The following STX11 variants were observed in gnomAD, a reference collection of about 807,000 sequenced individuals.
The protein encoded by STX11 is syntaxin-11.
In STX11, 21 loss-of-function variants were observed where a neutral mutation model predicts 19.9. The observed-to-expected ratio is 1.06, with a 90% CI of 0.75 to 1.52. STX11 has a LOEUF of 1.52. STX11 is among the 40% of genes most tolerant of loss of function. STX11 has a pLI of 0.00. For synonymous variants in STX11, 193 were observed against 174.4 expected, an observed-to-expected ratio of 1.11 and a Z score of -0.84; for missense variants, 438 against 405.9, an observed-to-expected ratio of 1.08 and a Z score of -0.68.
the STX11 span, among the ~76,000 whole-genome samples, chr6:144,142,069 T>G: frequency 5.3e-5 from 8 of 151,344 alleles, no homozygotes; most frequent in Admixed American, 4.6e-4. Context: ...GAGTCTGAAG[T>G]CTTCTGCTTG....
chr6:144,148,396 T>G (rs1404116031), upstream of STX11, among the ~76,000 whole-genome samples: 2 of 152,234 alleles, frequency 1.3e-5, no homozygotes, highest in Non-Finnish European at 2.9e-5. Context: ...TAGATGGCTT[T>G]GCAATATACC....
chr6:144,164,602 A>G (rs1801429889), intron 1 of STX11, among the ~76,000 whole-genome samples: 1 of 152,254 alleles, frequency 6.6e-6, no homozygotes, highest in African/African-American at 2.4e-5. Flanking sequence ...AAGCTCACAT[A>G]TGAGGGAAAA....
upstream of STX11, among the ~76,000 whole-genome samples, chr6:144,149,664 T>C (rs777485143): frequency 1.3e-5 from 2 of 152,100 alleles, no homozygotes; most frequent in Admixed American, 1.3e-4. The surrounding 1 kb of genome is among the most constrained non-coding windows in gnomAD (Gnocchi z 5.1). Context: ...TTTGTAGAGA[T>C]AGGCTTTCAC....
In STX11 at chr6:144,165,314, G is replaced by A. The variant is rs1013528891; in HGVS notation, c.-6+14611G>A. ...TACTAAAAAATACAAAATTAGCGGG[G>A]CGTGGTGGTGCATGTCTGTAATCCC... is the stretch of plus-strand genomic sequence containing the variant. On this transcript the variant is annotated intron_variant, in intron 1 of 1. Transcript: ENST00000367568. This position sits in a 1 kb window ranked among gnomAD's most constrained non-coding sequence, Gnocchi z 5.8. Among the ~76,000 whole-genome samples the A allele has an allele frequency of 6.6e-6, 1 of 152,050 alleles. No individual in the cohort carries two copies. Among genetic ancestry groups the A allele is most frequent in the African/African-American group, 2.4e-5 (1 of 41,394 alleles).
In STX11 at chr6:144,175,333, C is replaced by T. The variant is rs1801752538; in HGVS notation, c.-5-11290C>T. Among the ~76,000 whole-genome samples, 1 of 152,184 alleles carries T rather than the reference C, an allele frequency of 6.6e-6. No individual in the cohort carries two copies. The highest frequency in any genetic ancestry group is 2.1e-4 in the South Asian group (1 of 4,826). On this transcript the variant is annotated intron_variant, in intron 1 of 1. Transcript: ENST00000367568. This position sits in a 1 kb window ranked among gnomAD's most constrained non-coding sequence, Gnocchi z 5.1. Reference sequence around the variant, plus strand: ...GCTACTCTCATGAAAATGCTTTATACATGTTAGAATTTTATTGCTGTAAAT... The same window carrying T: ...GCTACTCTCATGAAAATGCTTTATATATGTTAGAATTTTATTGCTGTAAAT...
chr6:144,150,645 G>T lies in STX11; in HGVS notation c.-64G>T. Reference sequence around the variant, plus strand: ...TCCTTCTCCATCGCTGCGCCCACAGGGGACGCGCGCCCTGCCGGGAGAGGG... The same window carrying T: ...TCCTTCTCCATCGCTGCGCCCACAGTGGACGCGCGCCCTGCCGGGAGAGGG... On this transcript the variant is annotated 5_prime_UTR_variant, in exon 1 of 2. Coordinates refer to ENST00000367568, the MANE Select transcript of STX11 (RefSeq NM_003764.4). The T allele has an allele frequency of 1.0e-6, 1 of 985,412 alleles. No individual in the cohort carries two copies. Among genetic ancestry groups the T allele is most frequent in the Non-Finnish European group, 1.2e-6 (1 of 829,960 alleles). 61.0% of individuals were successfully genotyped at this position (985,412 alleles called of 1,614,324 possible). A position where few individuals can be genotyped will look rare whatever the true frequency, so the allele number is the denominator to read the frequency against.
chr6:144,142,391 C>T, the STX11 span, among the ~76,000 whole-genome samples: 4 of 152,098 alleles, frequency 2.6e-5, no homozygotes, highest in South Asian at 8.3e-4. Flanking sequence ...AGTACTGAAA[C>T]CTTTGCAGAT....
At chr6:144,173,621 C>T (rs1414035343) in intron 1 of STX11, among the ~76,000 whole-genome samples, 2 of 152,200 alleles carry the variant, frequency 1.3e-5, no homozygotes, top group Non-Finnish European at 2.9e-5. Context: ...GTTATAGACA[C>T]ACTCAAAACA....
chr6:144,173,661 C>T (rs952733575), intron 1 of STX11, among the ~76,000 whole-genome samples: 9 of 152,184 alleles, frequency 5.9e-5, no homozygotes, highest in Non-Finnish European at 1.0e-4. Context: ...ATCTTTGCAG[C>T]GAGATGCAAA....
Position 144,189,930 on chromosome 6 carries a change from C to G in STX11, c.*2439C>G, listed in dbSNP as rs573568695. Among the ~76,000 whole-genome samples the G allele has an allele frequency of 6.6e-6, 1 of 152,180 alleles. No individual in the cohort carries two copies. The highest frequency in any genetic ancestry group is 1.5e-5 in the Non-Finnish European group (1 of 68,032). On this transcript the variant is annotated 3_prime_UTR_variant, in exon 2 of 2. Transcript: ENST00000367568. ...AGAGGAGAGATATTGTAAATAGAGA[C>G]TGCCAGCCAGTTTCCACAAAAAAAC...
At chr6:144,145,461 A>G in the STX11 span, among the ~76,000 whole-genome samples, 1 of 152,208 alleles carries the variant, frequency 6.6e-6, no homozygotes, top group Non-Finnish European at 1.5e-5. Flanking sequence ...GTCCCTGTTC[A>G]TTGCAGCACT....
rs189668085 is a variant in STX11, at chr6:144,188,276, G to A, written c.*785G>A. 1 of 232,120 alleles carries A rather than the reference G, an allele frequency of 4.3e-6. No homozygotes were observed. Among genetic ancestry groups the A allele is most frequent in the East Asian group, 7.0e-5 (1 of 14,224 alleles). 14.4% of individuals were successfully genotyped at this position (232,120 alleles called of 1,614,324 possible). A position where few individuals can be genotyped will look rare whatever the true frequency, so the allele number is the denominator to read the frequency against. On this transcript the variant is annotated 3_prime_UTR_variant, in exon 2 of 2. Transcript: ENST00000367568. ...ATTACATATGCACATGTATGTAAAT[G>A]TAAAATACTAATATTCACTAATATA...
chr6:144,140,246 A>ATG, the STX11 span, among the ~76,000 whole-genome samples: 1 of 45,596 alleles, frequency 2.2e-5, no homozygotes, highest in Non-Finnish European at 3.8e-5. Context: ...ATATATATAT[A>ATG]TATATATATT....
In STX11 at chr6:144,153,368, G is replaced by A. The variant is rs977060342; in HGVS notation, c.-6+2665G>A. ...GGAATAATGAACCTTCACGTAGGAG[G>A]ATGAATTGTCAGGCAAGTGGAATTG... On this transcript the variant is annotated intron_variant, in intron 1 of 1. Transcript: ENST00000367568. This position sits in a 1 kb window ranked among gnomAD's most constrained non-coding sequence, Gnocchi z 5.0. 6.6e-6 allele frequency among the ~76,000 whole-genome samples: 1 copy of A among 152,192 alleles called. No individual in the cohort carries two copies. The highest frequency in any genetic ancestry group is 1.5e-5 in the Non-Finnish European group (1 of 68,038).
chr6:144,151,751 C>T lies in STX11; in HGVS notation c.-6+1048C>T, dbSNP rs957043452. Among the ~76,000 whole-genome samples, 1 of 152,184 alleles carries T rather than the reference C, an allele frequency of 6.6e-6. No individual in the cohort carries two copies. Among genetic ancestry groups the T allele is most frequent in the Non-Finnish European group, 1.5e-5 (1 of 68,024 alleles). The stretch of plus-strand genomic sequence containing the variant: ...CATTTAATGTGGTGATTGTAAGTAA[C>T]TCTCTAAAATCAAAATATTTCAGAC... On this transcript the variant is annotated intron_variant, in intron 1 of 1. Coordinates refer to ENST00000367568, the MANE Select transcript of STX11 (RefSeq NM_003764.4). The surrounding 1 kb of genome is among the most constrained non-coding windows in gnomAD (Gnocchi z 4.6).
the STX11 span, among the ~76,000 whole-genome samples, chr6:144,143,892 G>A: frequency 6.6e-6 from 1 of 152,098 alleles, no homozygotes; most frequent in Non-Finnish European, 1.5e-5. Flanking sequence ...ATCCTTATAG[G>A]CATTAAATTT....
rs1389384087 is a variant in STX11 at position 144,177,222 on chromosome 6, T to C, written c.-5-9401T>C. 6.6e-6 allele frequency among the ~76,000 whole-genome samples: 1 copy of C among 152,254 alleles called. No individual in the cohort carries two copies. Among genetic ancestry groups the C allele is most frequent in the African/African-American group, 2.4e-5 (1 of 41,470 alleles). On this transcript the variant is annotated intron_variant, in intron 1 of 1. Transcript: ENST00000367568. This position sits in a 1 kb window ranked among gnomAD's most constrained non-coding sequence, Gnocchi z 4.4. ...GAATTACTTAAAGGCATATATGTTTTCCAACTGGACTCAAAATCTATTCCC... is the reference window on the plus strand; with the variant it reads ...GAATTACTTAAAGGCATATATGTTTCCCAACTGGACTCAAAATCTATTCCC...
rs1338092253 is a variant in STX11 at position 144,167,797 on chromosome 6, T to G, written c.-6+17094T>G. On this transcript the variant is annotated intron_variant, in intron 1 of 1. Transcript: ENST00000367568. This position sits in a 1 kb window ranked among gnomAD's most constrained non-coding sequence, Gnocchi z 5.0. Reference sequence around the variant, plus strand: ...CTGCTCTCGGCTAATTATTGTAGTTTGTTGTAGAGGTGGGGTTTCACCATG... The same window carrying G: ...CTGCTCTCGGCTAATTATTGTAGTTGGTTGTAGAGGTGGGGTTTCACCATG... Among the ~76,000 whole-genome samples the G allele has an allele frequency of 6.6e-6, 1 of 152,146 alleles. No individual in the cohort carries two copies. The highest frequency in any genetic ancestry group is 6.5e-5 in the Admixed American group (1 of 15,272).
upstream of STX11, among the ~76,000 whole-genome samples, chr6:144,149,901 C>T (rs1406850628): frequency 6.6e-6 from 1 of 152,132 alleles, no homozygotes. This position sits in a 1 kb window ranked among gnomAD's most constrained non-coding sequence, Gnocchi z 5.1. Context: ...AGTGCCGGGA[C>T]CTGGAGGGTG....
Sources: allele counts gnomAD v4.1 joint callset (sites outside exome capture counted in the v4.1 genomes callset), GRCh38; gene constraint gnomAD v4.1.1; non-coding constraint Gnocchi (gnomAD v3.1); transcripts MANE v1.5; gene names NCBI Gene and HGNC (gene_info 2026-07-23, HGNC 2026-07-21).